Variants in TBC1D8 observed in about 807,000 individuals in gnomAD.
The protein encoded by TBC1D8 is TBC1 domain family member 8.
A neutral mutation model predicts 118.8 loss-of-function variants in TBC1D8; 65 were observed. That is an observed-to-expected ratio of 0.55 (90% CI 0.45 to 0.67). The LOEUF is 0.67. Ranked by LOEUF, TBC1D8 falls within the 30% of genes least tolerant of loss-of-function variation. The pLI, the probability that TBC1D8 is intolerant of heterozygous loss-of-function variation, is 0.00. For synonymous variants in TBC1D8, 566 were observed against 595.8 expected (o/e 0.95, Z 0.73); for missense variants, 1,376 against 1,471.2 (o/e 0.94, Z 1.06).
intron 1 of TBC1D8, among the ~76,000 whole-genome samples, chr2:101,129,597 T>C (rs2104252729): frequency 2.6e-5 from 4 of 151,518 alleles, no homozygotes; most frequent in Admixed American, 2.6e-4. Flanking sequence ...ATTTCAGGGG[T>C]TTCTAGATTT....
chr2:101,007,711 G>GC lies in TBC1D8; in HGVS notation c.*109dup. The stretch of plus-strand genomic sequence containing the variant: ...AGTTTGTCAGGTTGTTTAGCCAGAT[G>GC]CCCCATTGGTAAGGTAGACTGAAAT... On this transcript the variant is annotated 3_prime_UTR_variant, in exon 20 of 20. Coordinates refer to ENST00000409318, the MANE Select transcript of TBC1D8 (RefSeq NM_001330348.2). 9.1e-7 allele frequency: 1 copy of GC among 1,104,546 alleles called. No homozygotes were observed. The highest frequency in any genetic ancestry group is 1.3e-6 in the Non-Finnish European group (1 of 765,064). 68.4% of individuals were successfully genotyped at this position (1,104,546 alleles called of 1,614,324 possible).
At chr2:101,145,798 C>T (rs1679295213) in intron 1 of TBC1D8, among the ~76,000 whole-genome samples, 2 of 152,092 alleles carry the variant, frequency 1.3e-5, no homozygotes, top group Admixed American at 1.3e-4. Flanking sequence ...GAGCCGTGTG[C>T]CCAAATCCTA....
chr2:101,043,757 T>A (rs1027943115), intron 5 of TBC1D8, among the ~76,000 whole-genome samples: 2 of 152,004 alleles, frequency 1.3e-5, no homozygotes, highest in South Asian at 2.1e-4. Context: ...CTGGCCAACA[T>A]GGTGAAACCC....
chr2:101,078,186 C>A (rs1021342712), intron 2 of TBC1D8, among the ~76,000 whole-genome samples: 7 of 152,216 alleles, frequency 4.6e-5, no homozygotes, highest in Non-Finnish European at 7.3e-5. Context: ...AGTAACACAA[C>A]TCCAGTCTTC....
chr2:101,034,025 ATGG>A (rs1558638791), intron 9 of TBC1D8, among the ~76,000 whole-genome samples: 1 of 152,104 alleles, frequency 6.6e-6, no homozygotes, highest in Non-Finnish European at 1.5e-5. Flanking sequence ...TTAGCCAGGC[ATGG>A]TGGTGGGTGC....
intron 1 of TBC1D8, among the ~76,000 whole-genome samples, chr2:101,103,541 G>A (rs890166005): frequency 6.6e-6 from 1 of 151,846 alleles, no homozygotes; most frequent in Admixed American, 6.6e-5. Context: ...ACAGGCACCC[G>A]CCACCACGCC....
chr2:101,011,657 T>A, intron 17 of TBC1D8, 117 bp from the exon 18 acceptor site: 1 of 1,068,894 alleles, frequency 9.4e-7, no homozygotes, highest in Non-Finnish European at 1.4e-6. Context: ...CTGTGGACTG[T>A]AGTTTTTGCA....
In TBC1D8 at chr2:101,145,817, C is replaced by T. The variant is rs112190932; in HGVS notation, c.127+5310G>A. ...CGTGTGCCCAAATCCTATAAAAACA[C>T]CTTTCTCCTGAGCAATTCTTAACCC... On this transcript the variant is annotated intron_variant, in intron 1 of 19. Transcript: ENST00000409318. 7.4e-3 allele frequency among the ~76,000 whole-genome samples: 1,129 copies of T among 152,248 alleles called. 17 individuals carry two copies. The highest frequency in any genetic ancestry group is 0.026 in the African/African-American group (1,063 of 41,548).
chr2:101,020,074 A>C (rs1254365431), intron 17 of TBC1D8, among the ~76,000 whole-genome samples: 2 of 148,370 alleles, frequency 1.3e-5, no homozygotes, highest in Non-Finnish European at 3.0e-5. Flanking sequence ...CTCCGTCTCA[A>C]AAAAAAAAAA....
At chr2:101,074,542 G>A (rs1463284809) in intron 2 of TBC1D8, among the ~76,000 whole-genome samples, 1 of 152,162 alleles carries the variant, frequency 6.6e-6, no homozygotes, top group East Asian at 1.9e-4. Context: ...ACAATAACGT[G>A]AAACACAATA....
Position 101,074,705 on chromosome 2 carries a change from G to A in TBC1D8, c.284-15166C>T, listed in dbSNP as rs186056017. On this transcript the variant is annotated intron_variant, in intron 2 of 19. Coordinates refer to ENST00000409318, the MANE Select transcript of TBC1D8 (RefSeq NM_001330348.2). Reference sequence around the variant, plus strand: ...TAGATAAACAGACAAACAATTATGGGAACATTGTTAGAAATCAAGATTTTC... The same window carrying A: ...TAGATAAACAGACAAACAATTATGGAAACATTGTTAGAAATCAAGATTTTC... Among the ~76,000 whole-genome samples the A allele has an allele frequency of 4.7e-3, 710 of 152,242 alleles. 4 individuals are homozygous for A. Among genetic ancestry groups the A allele is most frequent in the Non-Finnish European group, 7.0e-3 (474 of 68,016 alleles).
intron 2 of TBC1D8, among the ~76,000 whole-genome samples, chr2:101,064,180 T>C (rs934702882): frequency 2.0e-5 from 3 of 152,148 alleles, no homozygotes; most frequent in Non-Finnish European, 2.9e-5. Context: ...TACGGTTAAA[T>C]AAGGTCATTA....
intron 1 of TBC1D8, among the ~76,000 whole-genome samples, chr2:101,114,947 TC>T (rs1677753689): frequency 6.6e-6 from 1 of 152,126 alleles, no homozygotes; most frequent in Admixed American, 6.5e-5. Context: ...TGGTCTGACT[TC>T]CCCATAAAGT....
In TBC1D8 at chr2:101,139,088, A is replaced by AT. The variant is rs35049129; in HGVS notation, c.127+12038dup. ...TAGTCAGAGACAGATTCTTCCATGC[A>AT]TTTTTTTTTTCAGTAGTGAGTACTA... On this transcript the variant is annotated intron_variant, in intron 1 of 19. Coordinates refer to ENST00000409318, the MANE Select transcript of TBC1D8 (RefSeq NM_001330348.2). Among the ~76,000 whole-genome samples the AT allele has an allele frequency of 3.3e-3, 500 of 149,584 alleles. 5 individuals carry two copies. Among genetic ancestry groups the AT allele is most frequent in the African/African-American group, 0.01 (420 of 40,782 alleles).
At chr2:101,050,062 C>T (rs971338205) in intron 5 of TBC1D8, among the ~76,000 whole-genome samples, 3 of 152,064 alleles carry the variant, frequency 2.0e-5, no homozygotes, top group African/African-American at 4.8e-5. Flanking sequence ...CTCCTGACCT[C>T]GTGATCCACC....
At chr2:101,116,564 A>G (rs893820814) in intron 1 of TBC1D8, among the ~76,000 whole-genome samples, 2 of 151,992 alleles carry the variant, frequency 1.3e-5, no homozygotes, top group Admixed American at 6.5e-5. Flanking sequence ...CTAATCCCCC[A>G]TACCTCAGAA....
intron 1 of TBC1D8, among the ~76,000 whole-genome samples, chr2:101,102,016 GT>G (rs1266506241): frequency 7.1e-5 from 9 of 127,354 alleles, no homozygotes; most frequent in Admixed American, 2.7e-4. Flanking sequence ...TGTTTTGTTG[GT>G]TTTTTTTAGA....
At chr2:101,071,907 T>A (rs985155336) in intron 2 of TBC1D8, among the ~76,000 whole-genome samples, 4 of 152,230 alleles carry the variant, frequency 2.6e-5, no homozygotes, top group African/African-American at 7.2e-5. Flanking sequence ...TTTGCCCAGA[T>A]GAATCAGAGG....
intron 1 of TBC1D8, among the ~76,000 whole-genome samples, chr2:101,118,418 C>G (rs918063687): frequency 6.6e-6 from 1 of 152,016 alleles, no homozygotes; most frequent in Non-Finnish European, 1.5e-5. Context: ...ACCAGGTAGC[C>G]GGGCACAGTG....
Sources: gnomAD v4.1 joint callset for allele counts (sites outside exome capture counted in the v4.1 genomes callset) on GRCh38, gnomAD v4.1.1 for gene constraint, MANE v1.5 for transcripts, NCBI Gene and HGNC (gene_info 2026-07-23, HGNC 2026-07-21) for gene names.